The following MDGA2 variants were observed in gnomAD, a reference collection of about 807,000 sequenced individuals.
MDGA2 encodes MAM domain-containing glycosylphosphatidylinositol anchor protein 2.
MDGA2 carries 40 observed loss-of-function variants against 117.8 expected under a neutral mutation model. That is an observed-to-expected ratio of 0.34 (90% CI 0.26 to 0.44). The LOEUF (loss-of-function observed/expected upper bound fraction) is 0.44. Ranked by LOEUF, MDGA2 falls within the 20% of genes least tolerant of loss-of-function variation. MDGA2 has a pLI of 1.00. For missense variants in MDGA2, 1,123 were observed against 1,250.6 expected (o/e 0.90, Z 1.54); for synonymous variants, 452 against 439.0 (o/e 1.03, Z -0.37).
chr14:47,067,344 G>A (rs935059789), intron 6 of MDGA2, among the ~76,000 whole-genome samples: 7 of 152,148 alleles, frequency 4.6e-5, no homozygotes, highest in South Asian at 2.1e-4. Context: ...AAATCTGCCA[G>A]TCGAAGAGAA....
chr14:47,275,634 G>A (rs1205412463), intron 2 of MDGA2, among the ~76,000 whole-genome samples: 1 of 151,836 alleles, frequency 6.6e-6, no homozygotes, highest in African/African-American at 2.4e-5. Context: ...ATAATTCCAT[G>A]AAAAAAGGGG....
intron 1 of MDGA2, among the ~76,000 whole-genome samples, chr14:47,576,869 C>A (rs892539005): frequency 9.9e-5 from 15 of 152,128 alleles, no homozygotes; most frequent in African/African-American, 3.6e-4. Flanking sequence ...CTGCCTCAGC[C>A]TCCTAAGTAT....
At chr14:47,067,834 G>T (rs1416235861) in intron 6 of MDGA2, among the ~76,000 whole-genome samples, 2 of 152,164 alleles carry the variant, frequency 1.3e-5, no homozygotes, top group Non-Finnish European at 2.9e-5. Context: ...TGCAGTGTTA[G>T]TCTTAAAAGT....
chr14:47,392,893 G>A (rs1039997596), intron 1 of MDGA2, among the ~76,000 whole-genome samples: 4 of 151,952 alleles, frequency 2.6e-5, no homozygotes, highest in African/African-American at 9.7e-5. Context: ...AGAAGCATGG[G>A]AATAATATAA....
chr14:47,289,672 A>G (rs111715859), intron 2 of MDGA2, among the ~76,000 whole-genome samples: 33 of 152,290 alleles, frequency 2.2e-4, no homozygotes, highest in African/African-American at 7.7e-4. Context: ...AATGCAATCA[A>G]TAGATTTTCA....
intron 1 of MDGA2, chr14:47,343,051 C>A (rs1462733607): frequency 7.8e-7 from 1 of 1,284,382 alleles, no homozygotes; most frequent in Non-Finnish European, 1.0e-6. Context: ...TACCGTGAGT[C>A]CTGCGGCAGA....
At chr14:47,509,278 T>C (rs1378703224) in intron 1 of MDGA2, among the ~76,000 whole-genome samples, 1 of 152,212 alleles carries the variant, frequency 6.6e-6, no homozygotes, top group Admixed American at 6.5e-5. Flanking sequence ...CGTGAGTATA[T>C]TTTGTAAAAC....
intron 1 of MDGA2, chr14:47,342,986 T>C (rs1420501529): frequency 2.0e-6 from 2 of 1,011,266 alleles, no homozygotes; most frequent in Admixed American, 4.6e-5. Flanking sequence ...CAGCTTTGCC[T>C]GGCAGAATGC....
chr14:46,914,844 G>A (rs1313630272), intron 10 of MDGA2, among the ~76,000 whole-genome samples: 1 of 152,016 alleles, frequency 6.6e-6, no homozygotes, highest in African/African-American at 2.4e-5. Flanking sequence ...TTTATGGATA[G>A]AAGAAATCAT....
chr14:47,343,475 T>C (rs1007967379), intron 1 of MDGA2, among the ~76,000 whole-genome samples: 6 of 152,198 alleles, frequency 3.9e-5, no homozygotes, highest in African/African-American at 1.4e-4. Flanking sequence ...CCATTCCATT[T>C]TTCCATTCAT....
In MDGA2 at chr14:46,882,026, A is replaced by C; in HGVS notation, c.2416+18T>G. 6.8e-7 allele frequency: 1 copy of C among 1,470,110 alleles called. No homozygotes were observed. The highest frequency in any genetic ancestry group is 1.5e-5 in the South Asian group (1 of 65,224). 91.1% of individuals were successfully genotyped at this position (1,470,110 alleles called of 1,614,324 possible). A position where few individuals can be genotyped will look rare whatever the true frequency, so the allele number is the denominator to read the frequency against. On this transcript the variant is annotated intron_variant, in intron 11 of 16. Coordinates refer to ENST00000399232, the MANE Select transcript of MDGA2 (RefSeq NM_001113498.3). ...GTTAAATATATAAATAAATAATTTT[A>C]AATGAAAGGCTACTTACCACTATAT...
chr14:47,660,081 A>G (rs949240235), intron 1 of MDGA2, among the ~76,000 whole-genome samples: 4 of 152,172 alleles, frequency 2.6e-5, no homozygotes, highest in Non-Finnish European at 5.9e-5. Context: ...TTGAAATACA[A>G]TAACAACAGT....
chr14:47,071,560 T>C (rs1041323130), intron 6 of MDGA2, among the ~76,000 whole-genome samples: 2 of 151,996 alleles, frequency 1.3e-5, no homozygotes, highest in Non-Finnish European at 2.9e-5. Flanking sequence ...GTTTTTTTTT[T>C]CTCTTTTTAA....
chr14:47,041,912 C>A (rs1337338474), intron 7 of MDGA2, among the ~76,000 whole-genome samples: 1 of 151,908 alleles, frequency 6.6e-6, no homozygotes, highest in Non-Finnish European at 1.5e-5. Flanking sequence ...AAAAATATGA[C>A]TGTAGTGCAC....
intron 1 of MDGA2, among the ~76,000 whole-genome samples, chr14:47,643,236 A>AAATATTTT (rs1238712773): frequency 1.3e-5 from 2 of 152,106 alleles, no homozygotes; most frequent in Non-Finnish European, 2.9e-5. Context: ...TTTAAAAGGA[A>AAATATTTT]AATATTTTAA....
rs532894929 is a variant in MDGA2 at position 47,009,941 on chromosome 14, A to G, written c.1819+25070T>C. On this transcript the variant is annotated intron_variant, in intron 8 of 16. Coordinates refer to ENST00000399232, the MANE Select transcript of MDGA2 (RefSeq NM_001113498.3). ...TTTCTAGCCCTCTGAATCTTCATGC[A>G]TGCTGGTTTCTCTGTCCCTTACCCC... is the stretch of plus-strand genomic sequence containing the variant. Among the ~76,000 whole-genome samples, 82 of 152,116 alleles carry G rather than the reference A, an allele frequency of 5.4e-4. No individual in the cohort carries two copies. In the Middle Eastern group the frequency reaches 0.02, roughly 38 times the overall value.
intron 2 of MDGA2, among the ~76,000 whole-genome samples, chr14:47,251,266 C>T (rs1887434811): frequency 6.6e-6 from 1 of 152,154 alleles, no homozygotes; most frequent in South Asian, 2.1e-4. Context: ...TCTCCTGCCT[C>T]ATACATCTCA....
At chr14:46,882,560 T>C (rs1182113287) in intron 10 of MDGA2, among the ~76,000 whole-genome samples, 1 of 150,858 alleles carries the variant, frequency 6.6e-6, no homozygotes, top group East Asian at 1.9e-4. Flanking sequence ...GCATACGAGA[T>C]TCTTGAATAC....
At chr14:47,079,764 C>T (rs1890636748) in intron 6 of MDGA2, among the ~76,000 whole-genome samples, 1 of 99,330 alleles carries the variant, frequency 1.0e-5, no homozygotes, top group Admixed American at 1.2e-4. Flanking sequence ...CAGAGTCTCG[C>T]TCTGTCGCCC....
Sources: allele counts gnomAD v4.1 joint callset (sites outside exome capture counted in the v4.1 genomes callset), GRCh38; gene constraint gnomAD v4.1.1; transcripts MANE v1.5; gene names NCBI Gene and HGNC (gene_info 2026-07-23, HGNC 2026-07-21).